Variants in ZBTB20 observed in about 807,000 individuals in gnomAD.
ZBTB20 encodes the protein zinc finger and BTB domain containing 20.
ZBTB20 carries 9 observed loss-of-function variants against 56.9 expected under a neutral mutation model. That is an observed-to-expected ratio of 0.16 (90% CI 0.10 to 0.28). ZBTB20 has a LOEUF of 0.28. Among genes scored for constraint, ZBTB20 ranks in the 10% least tolerant of loss-of-function variants. The pLI, the probability that ZBTB20 is intolerant of heterozygous loss-of-function variation, is 1.00. For missense variants in ZBTB20, 655 were observed against 1,003.0 expected, an observed-to-expected ratio of 0.65 and a Z score of 4.69; for synonymous variants, 417 against 420.7, an observed-to-expected ratio of 0.99 and a Z score of 0.11.
chr3:114,972,316 C>T (rs2077917692), intron 3 of ZBTB20, among the ~76,000 whole-genome samples: 1 of 152,092 alleles, frequency 6.6e-6, no homozygotes, highest in African/African-American at 2.4e-5. Flanking sequence ...TTGTGCCTTC[C>T]CTCATTTGGT....
intron 6 of ZBTB20, among the ~76,000 whole-genome samples, chr3:114,510,258 T>G (rs1031757303): frequency 1.3e-5 from 2 of 152,186 alleles, no homozygotes; most frequent in African/African-American, 4.8e-5. Flanking sequence ...GACAGTGGCC[T>G]GAGCCGACAC....
chr3:114,894,663 T>C (rs2074795574), intron 4 of ZBTB20, among the ~76,000 whole-genome samples: 2 of 152,000 alleles, frequency 1.3e-5, no homozygotes, highest in South Asian at 4.1e-4. Flanking sequence ...GAGGAAGACA[T>C]ATGGAGAGAC....
chr3:114,803,306 T>TA (rs143626782), intron 4 of ZBTB20, among the ~76,000 whole-genome samples: 3,548 of 151,842 alleles, frequency 0.023, 60 homozygotes, highest in Middle Eastern at 0.065. Context: ...CAACATCACT[T>TA]ACAACTACCA....
chr3:114,924,044 G>T (rs1164899626), intron 3 of ZBTB20, among the ~76,000 whole-genome samples: 1 of 151,986 alleles, frequency 6.6e-6, no homozygotes, highest in Non-Finnish European at 1.5e-5. Flanking sequence ...CTGTCAGAAG[G>T]GCTAAGAGAT....
At chr3:114,797,924 G>A (rs1380073982) in intron 5 of ZBTB20, among the ~76,000 whole-genome samples, 1 of 151,830 alleles carries the variant, frequency 6.6e-6, no homozygotes, top group African/African-American at 2.4e-5. Context: ...TTTAGCTTTG[G>A]GTAAAATAAC....
chr3:114,426,108 G>T (rs1422705149), intron 7 of ZBTB20, among the ~76,000 whole-genome samples: 1 of 151,940 alleles, frequency 6.6e-6, no homozygotes, highest in African/African-American at 2.4e-5. Flanking sequence ...GGCCGAGGTG[G>T]GCGGATCATG....
At chr3:114,777,080 A>T (rs961535280) in intron 5 of ZBTB20, among the ~76,000 whole-genome samples, 1 of 152,208 alleles carries the variant, frequency 6.6e-6, no homozygotes, top group Non-Finnish European at 1.5e-5. Flanking sequence ...TATTTGGCAC[A>T]TATATACTGT....
intron 7 of ZBTB20, among the ~76,000 whole-genome samples, chr3:114,428,979 A>G (rs1488918561): frequency 6.9e-6 from 1 of 145,620 alleles, no homozygotes; most frequent in African/African-American, 2.5e-5. Context: ...CTTTTATTTA[A>G]ACAATTATAC....
At chr3:115,140,852 C>T (rs542835214) in intron 1 of ZBTB20, among the ~76,000 whole-genome samples, 21 of 152,030 alleles carry the variant, frequency 1.4e-4, no homozygotes, top group Non-Finnish European at 1.8e-4. Context: ...AATTGGTACA[C>T]TCAACTCTCT....
intron 10 of ZBTB20, among the ~76,000 whole-genome samples, chr3:114,378,038 T>C (rs1395668552): frequency 6.6e-6 from 1 of 152,088 alleles, no homozygotes; most frequent in East Asian, 1.9e-4. Flanking sequence ...GAACTGAATA[T>C]TTTACCTTAA....
chr3:114,339,805 T>C lies in ZBTB20; in HGVS notation c.1805-379A>G, dbSNP rs748923066. On this transcript the variant is annotated intron_variant, in intron 11 of 11. Transcript: ENST00000675478. This position sits in a 1 kb window ranked among gnomAD's most constrained non-coding sequence, Gnocchi z 4.2. Reference sequence around the variant, plus strand: ...GGGGATTTAGTGTTTCCCATTAACATTATCAAACAAATAGAAGAAATAAGA... The same window carrying C: ...GGGGATTTAGTGTTTCCCATTAACACTATCAAACAAATAGAAGAAATAAGA... Among the ~76,000 whole-genome samples, 4 of 152,200 alleles carry C rather than the reference T, an allele frequency of 2.6e-5. No homozygotes were observed. The highest frequency in any genetic ancestry group is 6.5e-5 in the Admixed American group (1 of 15,284).
intron 4 of ZBTB20, among the ~76,000 whole-genome samples, chr3:114,835,190 G>A (rs947332438): frequency 1.3e-5 from 2 of 152,076 alleles, no homozygotes; most frequent in African/African-American, 2.4e-5. Flanking sequence ...TCCCAGTATC[G>A]CTTTATCCCC....
intron 7 of ZBTB20, among the ~76,000 whole-genome samples, chr3:114,481,705 TAGTC>T (rs2041566038): frequency 6.6e-6 from 1 of 152,214 alleles, no homozygotes; most frequent in African/African-American, 2.4e-5. Context: ...CCTTCCCTAA[TAGTC>T]AGTGGACTCT....
chr3:114,609,059 T>C (rs1236919769), intron 6 of ZBTB20, among the ~76,000 whole-genome samples: 1 of 152,206 alleles, frequency 6.6e-6, no homozygotes, highest in African/African-American at 2.4e-5. Flanking sequence ...ATCTCTCTGA[T>C]AAATCAGTCT....
At chr3:114,543,833 T>A (rs888978968) in intron 6 of ZBTB20, among the ~76,000 whole-genome samples, 5 of 152,244 alleles carry the variant, frequency 3.3e-5, no homozygotes, top group Non-Finnish European at 7.3e-5. Context: ...ATAGCTTAAC[T>A]CAAGAACTTT....
chr3:114,495,083 A>G lies in ZBTB20; in HGVS notation c.-255+5269T>C, dbSNP rs75533940. Among the ~76,000 whole-genome samples, 535 of 152,236 alleles carry G rather than the reference A, an allele frequency of 3.5e-3. 3 individuals are homozygous for G. Among genetic ancestry groups the G allele is most frequent in the African/African-American group, 0.012 (518 of 41,522 alleles). ...CCTATGGTACTTCCTGGACTGTATC[A>G]TTCCTTTTGGAACTTAGTCATTTAT... On this transcript the variant is annotated intron_variant, in intron 7 of 11. Transcript: ENST00000675478.
intron 6 of ZBTB20, among the ~76,000 whole-genome samples, chr3:114,611,664 A>G (rs1344830084): frequency 6.6e-6 from 1 of 152,160 alleles, no homozygotes; most frequent in Non-Finnish European, 1.5e-5. Flanking sequence ...GGAGACATGG[A>G]AAGTGCTGTT....
intron 1 of ZBTB20, among the ~76,000 whole-genome samples, chr3:115,088,390 T>C (rs1024260873): frequency 2.0e-5 from 3 of 151,806 alleles, no homozygotes; most frequent in African/African-American, 7.2e-5. Context: ...GACAAGACCA[T>C]AACCCTGGTT....
At chr3:114,796,143 G>T (rs2071326904) in intron 5 of ZBTB20, among the ~76,000 whole-genome samples, 2 of 151,964 alleles carry the variant, frequency 1.3e-5, no homozygotes, top group Non-Finnish European at 1.5e-5. Flanking sequence ...GGTCACTACA[G>T]GTGGTAAGTA....
Sources: gnomAD v4.1 joint callset for allele counts (sites outside exome capture counted in the v4.1 genomes callset) on GRCh38, gnomAD v4.1.1 for gene constraint, Gnocchi (gnomAD v3.1) non-coding constraint, MANE v1.5 for transcripts, NCBI Gene and HGNC (gene_info 2026-07-23, HGNC 2026-07-21) for gene names.